ZAP70: variants seen among roughly 807,000 people sequenced by gnomAD.
The protein encoded by ZAP70 is zeta chain of T cell receptor associated protein kinase 70.
ZAP70 carries 27 observed loss-of-function variants against 65.8 expected under a neutral mutation model. The observed-to-expected ratio is 0.41, with a 90% confidence interval of 0.30 to 0.57. The LOEUF (loss-of-function observed/expected upper bound fraction) is 0.57. Ranked by LOEUF, ZAP70 falls within the 20% of genes least tolerant of loss-of-function variation. ZAP70 has a pLI of 0.28. For missense variants in ZAP70, 696 were observed against 870.5 expected, an observed-to-expected ratio of 0.80 and a Z score of 2.52; for synonymous variants, 363 against 360.8, an observed-to-expected ratio of 1.01 and a Z score of -0.07.
chr2:97,753,139 G>A, the ZAP70 span, among the ~76,000 whole-genome samples: 1 of 152,160 alleles, frequency 6.6e-6, no homozygotes, highest in East Asian at 1.9e-4. Flanking sequence ...TCATGCAACA[G>A]GCACCTATAA....
At chr2:97,751,803 A>AAGGGAGGAAG in the ZAP70 span, among the ~76,000 whole-genome samples, 1 of 152,160 alleles carries the variant, frequency 6.6e-6, no homozygotes, top group African/African-American at 2.4e-5. Flanking sequence ...CACGGTGAGA[A>AAGGGAGGAAG]AGGGAGGAAG....
chr2:97,734,407 G>A (rs2104692835), intron 8 of ZAP70, 113 bp from the exon 9 acceptor site: 2 of 1,457,210 alleles, frequency 1.4e-6, no homozygotes, highest in East Asian at 5.0e-5. Context: ...ACCTGCTTGT[G>A]CATGCTCCAG....
intron 4 of ZAP70, among the ~76,000 whole-genome samples, chr2:97,730,681 A>G (rs1405277850): frequency 2.0e-5 from 3 of 152,168 alleles, no homozygotes; most frequent in African/African-American, 4.8e-5. Context: ...GCTCCCTAAT[A>G]TTGTGGCTGT....
the ZAP70 span, among the ~76,000 whole-genome samples, chr2:97,746,494 T>G: frequency 5.9e-5 from 9 of 152,198 alleles, no homozygotes. Flanking sequence ...TTTTTAAGTT[T>G]TGGCTTCAGC....
rs113994174 is a variant in ZAP70 at position 97,737,576 on chromosome 2, C to T, written c.1393C>T (p.Arg465Cys). The T allele has an allele frequency of 5.6e-6, 9 of 1,613,996 alleles. No individual in the cohort carries two copies. Among genetic ancestry groups the T allele is most frequent in the Non-Finnish European group, 7.6e-6 (9 of 1,179,990 alleles). Residue 465 changes from arginine (R) to cysteine (C), a missense_variant, in exon 11 of 14, where the codon CGC becomes TGC. By Grantham distance (180) the Arg-to-Cys change is radical. Transcript: ENST00000264972. This position sits in a 1 kb window ranked among gnomAD's most constrained non-coding sequence, Gnocchi z 5.0. ...KNFVHRDLAARNVLLVNRHYA... is the reference protein window; with the variant it reads ...KNFVHRDLAACNVLLVNRHYA... ...CTTTGTGCACCGTGACCTGGCGGCCCGCAACGTCCTGCTGGTTAACCGGCA... is the reference window on the plus strand; with the variant it reads ...CTTTGTGCACCGTGACCTGGCGGCCTGCAACGTCCTGCTGGTTAACCGGCA...
At chr2:97,738,472 C>T (rs1333648546) in intron 13 of ZAP70, 3 of 344,754 alleles carry the variant, frequency 8.7e-6, no homozygotes, top group Non-Finnish European at 1.7e-5. Flanking sequence ...ACACTCCAGT[C>T]CCCACCAGCC....
At position 97,719,557 on chromosome 2, in the gene ZAP70, G is replaced by T. The variant is rs77272867; in HGVS notation, c.-21-4459G>T. Among the ~76,000 whole-genome samples the T allele has an allele frequency of 5.3e-4, 80 of 151,368 alleles. 3 individuals carry two copies. The East Asian group carries it at 0.01, about 19-fold the overall frequency. ...TATCAGTGCTGGAGAACAGCCTGGG[G>T]GGGGGGCGCAGACCAGGTCTGGCTG... is the stretch of plus-strand genomic sequence containing the variant. On this transcript the variant is annotated intron_variant, in intron 2 of 13. Coordinates refer to ENST00000264972, the MANE Select transcript of ZAP70 (RefSeq NM_001079.4).
chr2:97,734,734 T>G, intron 9 of ZAP70, 22 bp downstream of exon 9: 1 of 1,612,302 alleles, frequency 6.2e-7, no homozygotes, highest in Non-Finnish European at 8.5e-7. Context: ...CCTGCCGTGG[T>G]GGGAGCACCG....
intron 2 of ZAP70, among the ~76,000 whole-genome samples, chr2:97,716,705 G>A (rs1205691596): frequency 1.3e-5 from 2 of 152,206 alleles, no homozygotes; most frequent in Admixed American, 6.5e-5. Context: ...GTGGCTGGAG[G>A]GGAGTGAGTG....
At chr2:97,721,454 C>T (rs1038431018) in intron 2 of ZAP70, among the ~76,000 whole-genome samples, 1 of 152,254 alleles carries the variant, frequency 6.6e-6, no homozygotes, top group South Asian at 2.1e-4. Flanking sequence ...CACTCTGTCG[C>T]CCAGGCTGGA....
chr2:97,724,491 C>A, intron 3 of ZAP70, 53 bp downstream of exon 3: 3 of 1,505,062 alleles, frequency 2.0e-6, no homozygotes, highest in African/African-American at 1.4e-5. Context: ...CGAAGAGGGG[C>A]AGTCGAGGGT....
the ZAP70 span, among the ~76,000 whole-genome samples, chr2:97,749,939 C>A: frequency 1.3e-5 from 2 of 152,232 alleles, no homozygotes; most frequent in Admixed American, 1.3e-4. Context: ...CCATCCCCAT[C>A]AGGAAGTTGC....
Position 97,739,682 on chromosome 2 carries a change from G to A in ZAP70, c.*184G>A. 1 of 987,024 alleles carries A rather than the reference G, an allele frequency of 1.0e-6. No individual in the cohort carries two copies. Among genetic ancestry groups the A allele is most frequent in the African/African-American group, 1.6e-5 (1 of 62,200 alleles). 61.1% of individuals were successfully genotyped at this position (987,024 alleles called of 1,614,324 possible). On this transcript the variant is annotated 3_prime_UTR_variant, in exon 14 of 14. Transcript: ENST00000264972. Reference sequence around the variant, plus strand: ...TGGCCCCCTGTCCTCTCTGGCTGGGGAGCAGGGAGGTCCGGGAGGGTGCGG... The same window carrying A: ...TGGCCCCCTGTCCTCTCTGGCTGGGAAGCAGGGAGGTCCGGGAGGGTGCGG...
intron 2 of ZAP70, among the ~76,000 whole-genome samples, chr2:97,719,980 T>C (rs941069901): frequency 6.6e-6 from 1 of 152,178 alleles, no homozygotes; most frequent in African/African-American, 2.4e-5. Context: ...GCCTGAGGCC[T>C]TTGCGATGCG....
downstream of ZAP70, among the ~76,000 whole-genome samples, chr2:97,743,561 CCT>C (rs1221466951): frequency 6.6e-6 from 1 of 152,194 alleles, no homozygotes; most frequent in African/African-American, 2.4e-5. Flanking sequence ...GTCTTGAACT[CCT>C]GATCTCAGGT....
chr2:97,731,728 C>T lies in ZAP70; in HGVS notation c.564-1155C>T, dbSNP rs1348476650. 6.6e-6 allele frequency among the ~76,000 whole-genome samples: 1 copy of T among 152,212 alleles called. No individual in the cohort carries two copies. The highest frequency in any genetic ancestry group is 1.9e-4 in the East Asian group (1 of 5,200). ...TCCCTGCGCTGAGAACAGTGCCTGG[C>T]CTGTCAGTAAAGACTTGTCCAGTGA... is the stretch of plus-strand genomic sequence containing the variant. On this transcript the variant is annotated intron_variant, in intron 4 of 13. Transcript: ENST00000264972. The surrounding 1 kb of genome is among the most constrained non-coding windows in gnomAD (Gnocchi z 4.0).
In ZAP70 at chr2:97,737,664, C is replaced by T. The variant is rs1164453696; in HGVS notation, c.1481C>T (p.Thr494Ile). ...CTGGGTGCCGACGACAGCTACTACA[C>T]TGTAAGCCTCTGCCCCTGTGATGCC... is the stretch of plus-strand genomic sequence containing the variant. The part of the protein sequence containing the change: ...KALGADDSYY[T>I]ARSAGKWPLK... Residue 494 changes from threonine to isoleucine, a missense_variant and splice_region_variant, in exon 11 of 14, where the codon ACT becomes ATT. By Grantham distance (89) the Thr-to-Ile change is moderately conservative. Around this residue, in one of 3 missense-constraint regions of ZAP70, gnomAD observed 67 missense variants for 151.9 expected, o/e 0.44. Coordinates refer to ENST00000264972, the MANE Select transcript of ZAP70 (RefSeq NM_001079.4). This position sits in a 1 kb window ranked among gnomAD's most constrained non-coding sequence, Gnocchi z 5.0. 1 of 1,613,892 alleles carries T rather than the reference C, an allele frequency of 6.2e-7. No homozygotes were observed. Among genetic ancestry groups the T allele is most frequent in the African/African-American group, 1.3e-5 (1 of 75,036 alleles).
chr2:97,720,806 A>G (rs955814192), intron 2 of ZAP70, among the ~76,000 whole-genome samples: 1 of 152,050 alleles, frequency 6.6e-6, no homozygotes, highest in African/African-American at 2.4e-5. Context: ...TCCCAACCTC[A>G]CTGTCACAAT....
intron 5 of ZAP70, 45 bp downstream of exon 5, chr2:97,733,066 TG>T (rs1158409986): frequency 6.2e-7 from 1 of 1,613,962 alleles, no homozygotes; most frequent in African/African-American, 1.3e-5. Context: ...CGTGCTCAGA[TG>T]GGGTGCCGGG....
Sources: allele counts gnomAD v4.1 joint callset (sites outside exome capture counted in the v4.1 genomes callset), GRCh38; gene constraint gnomAD v4.1.1; regional missense constraint gnomAD v4.1.1; non-coding constraint Gnocchi (gnomAD v3.1); transcripts MANE v1.5; gene names NCBI Gene and HGNC (gene_info 2026-07-23, HGNC 2026-07-21).